PRKN: variants seen among roughly 807,000 people sequenced by gnomAD.
PRKN encodes the protein parkin RBR E3 ubiquitin protein ligase.
A neutral mutation model predicts 59.5 loss-of-function variants in PRKN; 56 were observed. That is an observed-to-expected ratio of 0.94 (90% CI 0.76 to 1.18). PRKN has a LOEUF of 1.18. Among genes scored for constraint, PRKN ranks in the 50% most tolerant of loss-of-function variants. The pLI is 0.00. For missense variants in PRKN, 657 were observed against 596.4 expected (o/e 1.10, Z -1.06); for synonymous variants, 250 against 222.1 (o/e 1.13, Z -1.12).
chr6:162,298,561 A>T (rs1290772746), intron 2 of PRKN, among the ~76,000 whole-genome samples: 1 of 151,780 alleles, frequency 6.6e-6, no homozygotes, highest in East Asian at 1.9e-4. Flanking sequence ...TAATGAAGAT[A>T]TTTCCCCCTC....
chr6:161,930,249 C>G (rs1266022370), intron 6 of PRKN, among the ~76,000 whole-genome samples: 4 of 151,990 alleles, frequency 2.6e-5, no homozygotes, highest in Non-Finnish European at 5.9e-5. Context: ...ATCTTCTAAC[C>G]TAAAAAAATT....
At chr6:162,412,698 G>A (rs987863869) in intron 2 of PRKN, among the ~76,000 whole-genome samples, 1 of 152,014 alleles carries the variant, frequency 6.6e-6, no homozygotes, top group African/African-American at 2.4e-5. Context: ...CTTCTTCAAA[G>A]CTCAACTGCA....
At chr6:161,825,815 G>A (rs951961830) in intron 6 of PRKN, among the ~76,000 whole-genome samples, 3 of 152,062 alleles carry the variant, frequency 2.0e-5, no homozygotes, top group Non-Finnish European at 4.4e-5. Context: ...CAGAGGGCTG[G>A]TCCAAGTTGT....
intron 4 of PRKN, among the ~76,000 whole-genome samples, chr6:162,091,527 A>C (rs2128296323): frequency 6.6e-6 from 1 of 152,272 alleles, no homozygotes; most frequent in Non-Finnish European, 1.5e-5. Flanking sequence ...GACCTACTAG[A>C]AATGCTTTGC....
At chr6:162,547,668 C>A (rs1226775652) in intron 1 of PRKN, among the ~76,000 whole-genome samples, 1 of 152,126 alleles carries the variant, frequency 6.6e-6, no homozygotes, top group East Asian at 1.9e-4. Context: ...GCAACCTCTG[C>A]CTCCTGGGTT....
chr6:162,380,313 T>C (rs4388272), intron 2 of PRKN, among the ~76,000 whole-genome samples: 17,991 of 150,914 alleles, frequency 0.12, 1,501 homozygotes, highest in East Asian at 0.44. Context: ...TCTGAATACA[T>C]GGGTGTTGGT....
At chr6:161,616,844 A>G (rs1254091344) in intron 7 of PRKN, among the ~76,000 whole-genome samples, 1 of 150,990 alleles carries the variant, frequency 6.6e-6, no homozygotes, top group African/African-American at 2.4e-5. Context: ...AGTCTTTGCT[A>G]TTGTGAACAG....
intron 6 of PRKN, among the ~76,000 whole-genome samples, chr6:161,915,927 G>A (rs1351633930): frequency 6.6e-6 from 1 of 152,108 alleles, no homozygotes; most frequent in Non-Finnish European, 1.5e-5. Flanking sequence ...AGTGCAAATT[G>A]GAAGGATGAT....
chr6:162,676,974 T>G (rs1374367788), intron 1 of PRKN, among the ~76,000 whole-genome samples: 3 of 148,026 alleles, frequency 2.0e-5, no homozygotes, highest in African/African-American at 7.6e-5. Flanking sequence ...GGCAGAAGAA[T>G]CGCTTGAACC....
At chr6:162,013,439 G>A (rs1782813243) in intron 5 of PRKN, among the ~76,000 whole-genome samples, 1 of 151,514 alleles carries the variant, frequency 6.6e-6, no homozygotes, top group African/African-American at 2.4e-5. Flanking sequence ...TTTCTATGAG[G>A]AGCCCTAGTA....
chr6:162,380,314 G>T (rs562459106), intron 2 of PRKN, among the ~76,000 whole-genome samples: 2 of 151,154 alleles, frequency 1.3e-5, no homozygotes, highest in East Asian at 3.9e-4. Context: ...CTGAATACAT[G>T]GGTGTTGGTA....
chr6:162,224,260 C>T (rs571930370), intron 3 of PRKN, among the ~76,000 whole-genome samples: 2 of 152,198 alleles, frequency 1.3e-5, no homozygotes, highest in Admixed American at 1.3e-4. Context: ...TATAACATTA[C>T]AATACGGTAT....
chr6:161,876,979 C>G (rs1455668480), intron 6 of PRKN, among the ~76,000 whole-genome samples: 1 of 152,128 alleles, frequency 6.6e-6, no homozygotes, highest in Non-Finnish European at 1.5e-5. Context: ...TACTTCTTGA[C>G]TAGAACTGCT....
chr6:162,552,932 G>A (rs187713016), intron 1 of PRKN, among the ~76,000 whole-genome samples: 1 of 152,110 alleles, frequency 6.6e-6, no homozygotes. Flanking sequence ...TCAACCAGAG[G>A]GGGTGGTCCA....
At chr6:161,710,897 CCTTCCT>C in intron 7 of PRKN, among the ~76,000 whole-genome samples, 1 of 136,180 alleles carries the variant, frequency 7.3e-6, no homozygotes, top group Non-Finnish European at 1.6e-5. Flanking sequence ...CCCTCCCTTT[CCTTCCT>C]CCTCCCTTTC....
At chr6:161,367,858 G>A (rs541772141) in intron 10 of PRKN, among the ~76,000 whole-genome samples, 2 of 152,290 alleles carry the variant, frequency 1.3e-5, no homozygotes, top group Non-Finnish European at 2.9e-5. Context: ...TAGTAACTGC[G>A]CATCCCTGAA....
chr6:162,541,968 C>A (rs1778942232), intron 1 of PRKN, among the ~76,000 whole-genome samples: 1 of 152,036 alleles, frequency 6.6e-6, no homozygotes, highest in African/African-American at 2.4e-5. Context: ...CTAATGATTC[C>A]TGTGCCCTTG....
At chr6:161,751,031 T>C (rs193094296) in intron 7 of PRKN, among the ~76,000 whole-genome samples, 21 of 152,308 alleles carry the variant, frequency 1.4e-4, no homozygotes, top group Admixed American at 3.9e-4. Flanking sequence ...TCCCTAAATA[T>C]CATATACATT....
At chr6:162,158,197 T>A (rs2849601) in intron 4 of PRKN, among the ~76,000 whole-genome samples, 1 of 151,874 alleles carries the variant, frequency 6.6e-6, no homozygotes. Flanking sequence ...GGGTGATGGA[T>A]GTGATCTATC....
Sources: allele counts gnomAD v4.1 joint callset (sites outside exome capture counted in the v4.1 genomes callset), GRCh38; gene constraint gnomAD v4.1.1; transcripts MANE v1.5; gene names NCBI Gene and HGNC (gene_info 2026-07-23, HGNC 2026-07-21).